The following SLC35D4 variants were observed in gnomAD, a reference collection of about 807,000 sequenced individuals.
SLC35D4 encodes the protein solute carrier family 35 member D4, also known as UDP-N-acetylglucosamine transporter SLC35D4.
At chr18:23,269,195 T>A in the SLC35D4 span, among the ~76,000 whole-genome samples, 1 of 152,170 alleles carries the variant, frequency 6.6e-6, no homozygotes, top group Non-Finnish European at 1.5e-5. Context: ...GCTCCCATAA[T>A]CCCCATGTGA....
chr18:23,413,895 G>C, the SLC35D4 span, among the ~76,000 whole-genome samples: 1 of 149,100 alleles, frequency 6.7e-6, no homozygotes, highest in Non-Finnish European at 1.5e-5. Context: ...AGTGAGCCAA[G>C]ACCATCCCAC....
chr18:23,241,451 A>C, the SLC35D4 span, among the ~76,000 whole-genome samples: 1 of 152,054 alleles, frequency 6.6e-6, no homozygotes, highest in Admixed American at 6.5e-5. Flanking sequence ...GAATCGCTTA[A>C]ACCCGGGAGG....
At chr18:23,361,090 C>G in the SLC35D4 span, among the ~76,000 whole-genome samples, 2 of 99,550 alleles carry the variant, frequency 2.0e-5, no homozygotes, top group African/African-American at 8.0e-5. Flanking sequence ...CAAGAGAGTT[C>G]GAGACTTTGT....
the SLC35D4 span, among the ~76,000 whole-genome samples, chr18:23,255,097 G>T: frequency 6.6e-6 from 1 of 152,154 alleles, no homozygotes; most frequent in African/African-American, 2.4e-5. Flanking sequence ...CCTGGCTCTG[G>T]GGTGATAAGG....
chr18:23,239,727 C>T, the SLC35D4 span, among the ~76,000 whole-genome samples: 4 of 152,314 alleles, frequency 2.6e-5, no homozygotes, highest in African/African-American at 9.6e-5. Flanking sequence ...GCCACAACCC[C>T]TCTTCTCCTC....
chr18:23,425,751 T>C, the SLC35D4 span, among the ~76,000 whole-genome samples: 3 of 152,178 alleles, frequency 2.0e-5, no homozygotes, highest in African/African-American at 7.2e-5. Context: ...CAACCGTCGT[T>C]AAGTTGGGAC....
the SLC35D4 span, among the ~76,000 whole-genome samples, chr18:23,405,880 T>C: frequency 6.6e-6 from 1 of 152,230 alleles, no homozygotes. Flanking sequence ...TTTCAATAGT[T>C]AGTCACCTGG....
the SLC35D4 span, chr18:23,257,256 G>A: frequency 3.1e-6 from 5 of 1,611,654 alleles, no homozygotes; most frequent in Non-Finnish European, 4.2e-6. Context: ...GGCTGAACAG[G>A]CGAGAACTGA....
the SLC35D4 span, among the ~76,000 whole-genome samples, chr18:23,319,211 T>C: frequency 6.6e-6 from 1 of 152,076 alleles, no homozygotes; most frequent in Non-Finnish European, 1.5e-5. Flanking sequence ...AGTGTTGAGA[T>C]GACCTAATCT....
At chr18:23,316,095 C>T in the SLC35D4 span, among the ~76,000 whole-genome samples, 3 of 152,226 alleles carry the variant, frequency 2.0e-5, no homozygotes, top group Non-Finnish European at 2.9e-5. Context: ...TATGCATACA[C>T]GTTAACATGT....
the SLC35D4 span, among the ~76,000 whole-genome samples, chr18:23,273,709 C>T: frequency 6.6e-6 from 1 of 152,146 alleles, no homozygotes; most frequent in Non-Finnish European, 1.5e-5. Context: ...AGTCATTCGC[C>T]TCACGGTCAC....
At chr18:23,275,048 G>A in the SLC35D4 span, among the ~76,000 whole-genome samples, 2 of 43,596 alleles carry the variant, frequency 4.6e-5, no homozygotes, top group Non-Finnish European at 8.2e-5. Context: ...TTGTGTGTGA[G>A]TGTGTTTGTG....
chr18:23,374,487 T>TTC, the SLC35D4 span, among the ~76,000 whole-genome samples: 4 of 134,292 alleles, frequency 3.0e-5, no homozygotes, highest in East Asian at 2.1e-4. Context: ...TATGACATCT[T>TTC]TTTTTTTTTT....
the SLC35D4 span, among the ~76,000 whole-genome samples, chr18:23,355,425 G>A: frequency 9.7e-4 from 148 of 152,194 alleles, no homozygotes; most frequent in African/African-American, 3.5e-3. Context: ...GTCCGCAGCC[G>A]CCCGCCCAGC....
the SLC35D4 span, among the ~76,000 whole-genome samples, chr18:23,436,758 A>G: frequency 3.9e-5 from 6 of 152,258 alleles, no homozygotes; most frequent in East Asian, 1.2e-3. Flanking sequence ...ACGTCACTGC[A>G]CTCCAGCCTG....
chr18:23,335,739 T>G, the SLC35D4 span, among the ~76,000 whole-genome samples: 1 of 152,184 alleles, frequency 6.6e-6, no homozygotes, highest in African/African-American at 2.4e-5. Context: ...TTGGACACCA[T>G]ACTACAATAA....
the SLC35D4 span, among the ~76,000 whole-genome samples, chr18:23,402,460 A>G: frequency 6.6e-6 from 1 of 152,212 alleles, no homozygotes; most frequent in Non-Finnish European, 1.5e-5. Context: ...TCAGCAAATT[A>G]ATGCACATTT....
chr18:23,386,827 G>A, the SLC35D4 span, among the ~76,000 whole-genome samples: 1 of 151,984 alleles, frequency 6.6e-6, no homozygotes, highest in Non-Finnish European at 1.5e-5. Context: ...CATTTGTTAA[G>A]AGTGGCATAC....
chr18:23,246,000 G>A, the SLC35D4 span, among the ~76,000 whole-genome samples: 1 of 152,222 alleles, frequency 6.6e-6, no homozygotes, highest in Admixed American at 6.5e-5. Flanking sequence ...GGGCACGGTG[G>A]CTCACGCCTG....
Sources: gnomAD v4.1 joint callset for allele counts (sites outside exome capture counted in the v4.1 genomes callset) on GRCh38, gnomAD v4.1.1 for gene constraint, MANE v1.5 for transcripts, NCBI Gene and HGNC (gene_info 2026-07-23, HGNC 2026-07-21) for gene names.